The following CNTNAP2 variants were observed in gnomAD, a reference collection of about 807,000 sequenced individuals.
The protein encoded by CNTNAP2 is contactin associated protein 2.
CNTNAP2 carries 98 observed loss-of-function variants against 155.2 expected under a neutral mutation model. The ratio of observed to expected loss-of-function variants is 0.63; its 90% CI spans 0.54 to 0.75. The LOEUF is 0.75. Among genes scored for constraint, CNTNAP2 ranks in the 30% least tolerant of loss-of-function variants. The pLI is 0.00. For synonymous variants in CNTNAP2, 651 were observed against 631.2 expected (o/e 1.03, Z -0.47); for missense variants, 1,727 against 1,688.1 (o/e 1.02, Z -0.40).
chr7:146,187,187 G>C (rs868245936), intron 1 of CNTNAP2, among the ~76,000 whole-genome samples: 1 of 152,172 alleles, frequency 6.6e-6, no homozygotes, highest in East Asian at 1.9e-4. Flanking sequence ...TTGTCACTCA[G>C]AATATCATCC....
At chr7:147,630,789 C>T (rs1274127648) in intron 12 of CNTNAP2, among the ~76,000 whole-genome samples, 1 of 152,104 alleles carries the variant, frequency 6.6e-6, no homozygotes, top group African/African-American at 2.4e-5. Context: ...ACGAATAAAA[C>T]CTTCTGCAAA....
chr7:147,386,292 C>T (rs892728859), intron 9 of CNTNAP2, among the ~76,000 whole-genome samples: 2 of 152,120 alleles, frequency 1.3e-5, no homozygotes, highest in African/African-American at 4.8e-5. Flanking sequence ...ATCCTTGTTA[C>T]TTATGCAAAT....
At chr7:147,584,156 G>A (rs957355009) in intron 12 of CNTNAP2, among the ~76,000 whole-genome samples, 9 of 152,134 alleles carry the variant, frequency 5.9e-5, no homozygotes, top group African/African-American at 1.2e-4. Context: ...TGTCACTTAT[G>A]TTTTCCTTTT....
intron 10 of CNTNAP2, among the ~76,000 whole-genome samples, chr7:147,428,968 T>A (rs753285604): frequency 6.6e-6 from 1 of 152,146 alleles, no homozygotes; most frequent in Non-Finnish European, 1.5e-5. Context: ...CATTATAATA[T>A]TCTTAAGTCT....
intron 1 of CNTNAP2, among the ~76,000 whole-genome samples, chr7:146,429,318 T>C (rs1293820935): frequency 4.6e-5 from 7 of 152,164 alleles, no homozygotes; most frequent in Admixed American, 4.6e-4. Context: ...ATAAATTACT[T>C]TGGGCAGTAT....
intron 1 of CNTNAP2, among the ~76,000 whole-genome samples, chr7:146,722,756 C>T (rs1006976359): frequency 1.5e-4 from 23 of 152,070 alleles, no homozygotes; most frequent in African/African-American, 5.6e-4. Context: ...GTCGCTCACG[C>T]CTGTAATCCC....
intron 10 of CNTNAP2, among the ~76,000 whole-genome samples, chr7:147,432,863 CTGT>C (rs1797487864): frequency 6.6e-6 from 1 of 152,180 alleles, no homozygotes; most frequent in Non-Finnish European, 1.5e-5. Flanking sequence ...ACTCTTAGAG[CTGT>C]GCTGCTTTCC....
intron 2 of CNTNAP2, among the ~76,000 whole-genome samples, chr7:146,810,282 G>A (rs1031381344): frequency 2.1e-5 from 3 of 145,054 alleles, no homozygotes; most frequent in Non-Finnish European, 4.5e-5. Context: ...ATTCGGAAGT[G>A]TGGTTCCTCT....
intron 3 of CNTNAP2, among the ~76,000 whole-genome samples, chr7:146,980,219 G>C (rs1431081400): frequency 1.3e-5 from 2 of 152,140 alleles, no homozygotes; most frequent in African/African-American, 4.8e-5. Flanking sequence ...GGTTACCTAT[G>C]TAGTTCTAGT....
At chr7:146,181,369 GA>G (rs1024739708) in intron 1 of CNTNAP2, among the ~76,000 whole-genome samples, 4 of 151,988 alleles carry the variant, frequency 2.6e-5, no homozygotes, top group African/African-American at 4.8e-5. Flanking sequence ...ATCAGTAACA[GA>G]AAAAAAGTTC....
At chr7:146,797,554 G>T (rs990214625) in intron 2 of CNTNAP2, among the ~76,000 whole-genome samples, 1 of 152,186 alleles carries the variant, frequency 6.6e-6, no homozygotes, top group South Asian at 2.1e-4. Flanking sequence ...ACTAATAGCT[G>T]TTTCAAGTGA....
intron 10 of CNTNAP2, among the ~76,000 whole-genome samples, chr7:147,432,027 C>A (rs900243568): frequency 6.6e-6 from 1 of 152,150 alleles, no homozygotes; most frequent in Admixed American, 6.5e-5. Context: ...TTTCTTATAT[C>A]CTGAAATCTG....
At chr7:146,136,148 CAA>C (rs202191258) in intron 1 of CNTNAP2, among the ~76,000 whole-genome samples, 1 of 152,022 alleles carries the variant, frequency 6.6e-6, no homozygotes, top group Admixed American at 6.6e-5. Context: ...GCAAATGTAT[CAA>C]AAAAAGTCTA....
chr7:146,677,643 C>G (rs1259059214), intron 1 of CNTNAP2, among the ~76,000 whole-genome samples: 1 of 151,938 alleles, frequency 6.6e-6, no homozygotes, highest in Non-Finnish European at 1.5e-5. Flanking sequence ...CGAGGAGTGC[C>G]CAATGTTTAG....
intron 3 of CNTNAP2, among the ~76,000 whole-genome samples, chr7:146,971,791 C>T (rs528107453): frequency 6.6e-6 from 1 of 152,240 alleles, no homozygotes; most frequent in Non-Finnish European, 1.5e-5. Context: ...TAAGACCCCA[C>T]CTGCTAATAC....
At chr7:147,876,431 G>A (rs1252115259) in intron 13 of CNTNAP2, among the ~76,000 whole-genome samples, 2 of 152,124 alleles carry the variant, frequency 1.3e-5, no homozygotes, top group African/African-American at 2.4e-5. Flanking sequence ...TGGGAACTTC[G>A]ATTTGTGTGT....
chr7:148,096,279 ATGTGTG>A (rs3056207), intron 15 of CNTNAP2, among the ~76,000 whole-genome samples: 11,163 of 144,712 alleles, frequency 0.077, 787 homozygotes, highest in East Asian at 0.27. Flanking sequence ...GCATGCATGC[ATGTGTG>A]TGTGTGTGTG....
At chr7:146,878,087 C>A (rs954853629) in intron 3 of CNTNAP2, among the ~76,000 whole-genome samples, 2 of 152,022 alleles carry the variant, frequency 1.3e-5, no homozygotes, top group Non-Finnish European at 2.9e-5. Flanking sequence ...ATTCATGGGC[C>A]AACGTCCCCT....
chr7:148,122,676 A>C (rs1213258663), intron 16 of CNTNAP2, among the ~76,000 whole-genome samples: 1 of 152,112 alleles, frequency 6.6e-6, no homozygotes, highest in Non-Finnish European at 1.5e-5. Context: ...CATTCACCAG[A>C]GAAAAGACTG....
Sources: gnomAD v4.1 joint callset for allele counts (sites outside exome capture counted in the v4.1 genomes callset) on GRCh38, gnomAD v4.1.1 for gene constraint, MANE v1.5 for transcripts, NCBI Gene and HGNC (gene_info 2026-07-23, HGNC 2026-07-21) for gene names.